The following PLD5 variants were observed in gnomAD, a reference collection of about 807,000 sequenced individuals.
PLD5 encodes the protein inactive phospholipase D5.
PLD5 carries 36 observed loss-of-function variants against 61.1 expected under a neutral mutation model. The ratio of observed to expected loss-of-function variants is 0.59; its 90% CI spans 0.45 to 0.78. The LOEUF (loss-of-function observed/expected upper bound fraction) is 0.78, where lower values mean the gene tolerates loss of function less well. PLD5 is among the 30% of genes least tolerant of loss of function. PLD5 has a pLI of 0.00. For missense variants in PLD5, 515 were observed against 644.4 expected, an observed-to-expected ratio of 0.80 and a Z score of 2.17; for synonymous variants, 243 against 242.8, an observed-to-expected ratio of 1.00 and a Z score of -0.01.
chr1:242,294,392 C>A (rs1675534089), intron 2 of PLD5, among the ~76,000 whole-genome samples: 1 of 152,140 alleles, frequency 6.6e-6, no homozygotes, highest in Non-Finnish European at 1.5e-5. Context: ...CATCCAGGAA[C>A]AATATTGTAC....
In PLD5 at chr1:242,256,604, C is replaced by T. The variant is rs964986003; in HGVS notation, c.607+8733G>A. On this transcript the variant is annotated intron_variant, in intron 4 of 9. Coordinates refer to ENST00000536534, the MANE Select transcript of PLD5 (RefSeq NM_001372062.1). This position sits in a 1 kb window ranked among gnomAD's most constrained non-coding sequence, Gnocchi z 5.7. Reference sequence around the variant, plus strand: ...GTAACAAGGCGCCATCTTGGAAGCACAGAGCAGCTCTCAGCAGACACTGAA... The same window carrying T: ...GTAACAAGGCGCCATCTTGGAAGCATAGAGCAGCTCTCAGCAGACACTGAA... 6.6e-6 allele frequency among the ~76,000 whole-genome samples: 1 copy of T among 152,212 alleles called. No homozygotes were observed. Among genetic ancestry groups the T allele is most frequent in the Non-Finnish European group, 1.5e-5 (1 of 68,040 alleles).
chr1:242,470,724 A>G (rs1382494113), intron 1 of PLD5, among the ~76,000 whole-genome samples: 2 of 152,228 alleles, frequency 1.3e-5, no homozygotes, highest in Non-Finnish European at 2.9e-5. Flanking sequence ...TTCGGTATGG[A>G]TAAAACTAGA....
intron 2 of PLD5, among the ~76,000 whole-genome samples, chr1:242,325,018 T>C (rs1209718447): frequency 6.6e-6 from 1 of 152,214 alleles, no homozygotes; most frequent in East Asian, 1.9e-4. Flanking sequence ...TCTGGTCTCC[T>C]GTTTAGCCAA....
intron 3 of PLD5, among the ~76,000 whole-genome samples, chr1:242,266,165 C>T (rs1478182653): frequency 2.0e-5 from 3 of 152,162 alleles, no homozygotes; most frequent in African/African-American, 4.8e-5. Flanking sequence ...CACTTGAGGC[C>T]AAGAGTCTGA....
chr1:242,334,058 T>A (rs1233462664), intron 2 of PLD5, among the ~76,000 whole-genome samples: 1 of 152,162 alleles, frequency 6.6e-6, no homozygotes, highest in Non-Finnish European at 1.5e-5. Flanking sequence ...CTATATGTTT[T>A]TAGTTTCCTG....
At chr1:242,131,659 G>C (rs1663261717) in intron 5 of PLD5, among the ~76,000 whole-genome samples, 1 of 152,090 alleles carries the variant, frequency 6.6e-6, no homozygotes, top group African/African-American at 2.4e-5. Flanking sequence ...TCTTCAGGAA[G>C]GATTATTTGC....
chr1:242,448,389 T>C (rs1202194195), intron 1 of PLD5, among the ~76,000 whole-genome samples: 3 of 152,178 alleles, frequency 2.0e-5, no homozygotes. Context: ...AACAGAAAAA[T>C]CATTTCCCAC....
At chr1:242,371,284 T>C (rs571969560) in intron 1 of PLD5, among the ~76,000 whole-genome samples, 2 of 152,144 alleles carry the variant, frequency 1.3e-5, no homozygotes, top group Middle Eastern at 3.4e-3. Context: ...CTTTAAACCA[T>C]CTAATCTAAC....
intron 2 of PLD5, among the ~76,000 whole-genome samples, chr1:242,329,145 G>A (rs139162415): frequency 6.6e-6 from 1 of 152,026 alleles, no homozygotes; most frequent in Non-Finnish European, 1.5e-5. Context: ...CGAATAGCTG[G>A]GATTACAGGT....
At position 242,243,252 on chromosome 1, in the gene PLD5, A is replaced by G. The variant is rs1046061430; in HGVS notation, c.607+22085T>C. 4.6e-5 allele frequency among the ~76,000 whole-genome samples: 7 copies of G among 152,238 alleles called. No homozygotes were observed. In the South Asian group the frequency reaches 8.3e-4, roughly 18 times the overall value. ...AGGTTTGAGTGGAAAAAGGCAGTTTAAAGAGAGTCCGGCCAAACTGGTTTC... is the reference window on the plus strand; with the variant it reads ...AGGTTTGAGTGGAAAAAGGCAGTTTGAAGAGAGTCCGGCCAAACTGGTTTC... On this transcript the variant is annotated intron_variant, in intron 4 of 9. Coordinates refer to ENST00000536534, the MANE Select transcript of PLD5 (RefSeq NM_001372062.1).
intron 1 of PLD5, among the ~76,000 whole-genome samples, chr1:242,425,921 G>A (rs1665397646): frequency 1.3e-5 from 2 of 151,956 alleles, no homozygotes; most frequent in South Asian, 4.2e-4. Context: ...GGGATTACAG[G>A]CATGAGCCAC....
chr1:242,260,102 A>C (rs1430790816), intron 4 of PLD5, among the ~76,000 whole-genome samples: 3 of 152,148 alleles, frequency 2.0e-5, no homozygotes, highest in Non-Finnish European at 4.4e-5. Context: ...TACTCCCAAC[A>C]CTTTGGGAAG....
intron 1 of PLD5, among the ~76,000 whole-genome samples, chr1:242,396,668 C>CTTTCT (rs1479365427): frequency 0.061 from 7,511 of 124,096 alleles, 272 homozygotes; most frequent in South Asian, 0.13. Context: ...TCTTTCTTTT[C>CTTTCT]TTTTCTTTTT....
At chr1:242,353,567 T>C (rs1571957992) in intron 1 of PLD5, among the ~76,000 whole-genome samples, 1 of 152,196 alleles carries the variant, frequency 6.6e-6, no homozygotes, top group Non-Finnish European at 1.5e-5. Context: ...AAAAATGACA[T>C]TGGGATTTTG....
intron 2 of PLD5, among the ~76,000 whole-genome samples, chr1:242,316,493 C>G: frequency 6.6e-6 from 1 of 152,084 alleles, no homozygotes; most frequent in Non-Finnish European, 1.5e-5. Context: ...CTCTCTTCAA[C>G]TTTTTCTCAT....
At chr1:242,277,588 C>A (rs1225227490) in intron 3 of PLD5, among the ~76,000 whole-genome samples, 1 of 148,862 alleles carries the variant, frequency 6.7e-6, no homozygotes, top group Non-Finnish European at 1.5e-5. Flanking sequence ...CCTGGTAAGT[C>A]TAATACATTG....
At chr1:242,090,993 TCCC>T (rs750712043) in intron 9 of PLD5, among the ~76,000 whole-genome samples, 1 of 151,882 alleles carries the variant, frequency 6.6e-6, no homozygotes, top group Non-Finnish European at 1.5e-5. Flanking sequence ...GTTCAAGCGA[TCCC>T]CCCACCTCAG....
chr1:242,115,656 TAA>T (rs11311583), intron 6 of PLD5, among the ~76,000 whole-genome samples: 2,834 of 138,822 alleles, frequency 0.02, 97 homozygotes, highest in African/African-American at 0.075. Flanking sequence ...ACTCAAAATC[TAA>T]AAAAAAAAAA....
At chr1:242,286,766 T>C (rs1181646247) in intron 3 of PLD5, among the ~76,000 whole-genome samples, 1 of 152,208 alleles carries the variant, frequency 6.6e-6, no homozygotes, top group Non-Finnish European at 1.5e-5. Flanking sequence ...TTTCTCCTGC[T>C]AATCTGCCTG....
Sources: allele counts gnomAD v4.1 joint callset (sites outside exome capture counted in the v4.1 genomes callset), GRCh38; gene constraint gnomAD v4.1.1; non-coding constraint Gnocchi (gnomAD v3.1); transcripts MANE v1.5; gene names NCBI Gene and HGNC (gene_info 2026-07-23, HGNC 2026-07-21).